CTNNA2: variants seen among roughly 807,000 people sequenced by gnomAD.
The protein encoded by CTNNA2 is catenin alpha 2.
Under a neutral mutation model 101.0 loss-of-function variants are expected in CTNNA2, and 42 were observed. That is an observed-to-expected ratio of 0.42 (90% CI 0.32 to 0.54). The LOEUF is 0.54. Ranked by LOEUF, CTNNA2 falls within the 20% of genes least tolerant of loss-of-function variation. CTNNA2 has a pLI of 0.14. For synonymous variants in CTNNA2, 450 were observed against 456.4 expected (o/e 0.99, Z 0.18); for missense variants, 871 against 1,223.1 (o/e 0.71, Z 4.29).
At chr2:80,354,835 G>A (rs75634926) in intron 7 of CTNNA2, among the ~76,000 whole-genome samples, 1,914 of 152,212 alleles carry the variant, frequency 0.013, 24 homozygotes, top group South Asian at 0.057. Flanking sequence ...GGTCTAGATC[G>A]CCCTTGCTTC....
intron 6 of CTNNA2, among the ~76,000 whole-genome samples, chr2:79,889,146 A>G (rs1291937529): frequency 1.3e-5 from 2 of 152,154 alleles, no homozygotes; most frequent in Admixed American, 6.6e-5. Context: ...AAATGTTCTA[A>G]GATTTAGTTT....
At chr2:79,537,664 C>T (rs1673154659) in intron 1 of CTNNA2, among the ~76,000 whole-genome samples, 1 of 152,146 alleles carries the variant, frequency 6.6e-6, no homozygotes, top group Non-Finnish European at 1.5e-5. Flanking sequence ...TTGCTGCCCG[C>T]ACTATGTAAA....
At chr2:79,625,541 A>G (rs927944680) in intron 1 of CTNNA2, among the ~76,000 whole-genome samples, 1 of 152,206 alleles carries the variant, frequency 6.6e-6, no homozygotes, top group Non-Finnish European at 1.5e-5. Flanking sequence ...GCATGCAGAT[A>G]AAACATGGAA....
intron 7 of CTNNA2, among the ~76,000 whole-genome samples, chr2:80,013,328 T>C (rs1693915898): frequency 6.6e-6 from 1 of 152,074 alleles, no homozygotes; most frequent in Non-Finnish European, 1.5e-5. Flanking sequence ...CCATTACATT[T>C]ATTCAAAACA....
upstream of CTNNA2, among the ~76,000 whole-genome samples, chr2:79,508,978 T>TGAACA (rs1487368248): frequency 8.2e-5 from 3 of 36,460 alleles, no homozygotes; most frequent in Non-Finnish European, 1.6e-4. Context: ...TATATATATA[T>TGAACA]ATATATATAT....
intron 4 of CTNNA2, among the ~76,000 whole-genome samples, chr2:79,387,344 A>G (rs751496654): frequency 6.6e-6 from 1 of 152,084 alleles, no homozygotes; most frequent in Non-Finnish European, 1.5e-5. Context: ...TTGTTGGTCT[A>G]TTTACTAAGC....
At chr2:79,742,384 A>G (rs1001544467) in intron 2 of CTNNA2, among the ~76,000 whole-genome samples, 1 of 152,186 alleles carries the variant, frequency 6.6e-6, no homozygotes, top group African/African-American at 2.4e-5. Flanking sequence ...TCTTAGAATT[A>G]TGCATAAAGT....
intron 9 of CTNNA2, among the ~76,000 whole-genome samples, chr2:80,524,658 A>G (rs951865920): frequency 1.3e-5 from 2 of 152,058 alleles, no homozygotes; most frequent in East Asian, 1.9e-4. Flanking sequence ...TAGTCTCCCT[A>G]TGCCACTAGC....
intron 3 of CTNNA2, among the ~76,000 whole-genome samples, chr2:79,342,781 A>G (rs1015031399): frequency 2.0e-5 from 3 of 152,178 alleles, no homozygotes; most frequent in Non-Finnish European, 4.4e-5. Context: ...TACTTCAAAA[A>G]TCTGTAGCCA....
At chr2:80,357,533 G>T (rs1245543454) in intron 7 of CTNNA2, among the ~76,000 whole-genome samples, 4 of 152,074 alleles carry the variant, frequency 2.6e-5, no homozygotes, top group Non-Finnish European at 5.9e-5. Flanking sequence ...CGAATTGACA[G>T]ATAGATGGAA....
intron 7 of CTNNA2, among the ~76,000 whole-genome samples, chr2:80,135,953 G>A (rs911869293): frequency 6.6e-6 from 1 of 152,094 alleles, no homozygotes; most frequent in Non-Finnish European, 1.5e-5. Context: ...ATGGTAAAAG[G>A]CAGTGTGGTA....
intron 6 of CTNNA2, among the ~76,000 whole-genome samples, chr2:79,880,030 C>T (rs146970445): frequency 1.5e-4 from 23 of 152,000 alleles, no homozygotes; most frequent in African/African-American, 2.2e-4. Flanking sequence ...TAATGTGAAG[C>T]GATGTTGAAT....
intron 7 of CTNNA2, among the ~76,000 whole-genome samples, chr2:79,946,350 A>G (rs1376157333): frequency 6.6e-6 from 1 of 152,186 alleles, no homozygotes; most frequent in African/African-American, 2.4e-5. Flanking sequence ...ATACTTCACA[A>G]TGATAGAAAT....
chr2:80,178,353 C>T (rs1051256915), intron 7 of CTNNA2, among the ~76,000 whole-genome samples: 8 of 152,140 alleles, frequency 5.3e-5, no homozygotes, highest in African/African-American at 1.9e-4. Context: ...TATAGTTGAA[C>T]GTTCAGTTTC....
At chr2:79,754,918 C>A (rs1016293450) in intron 3 of CTNNA2, among the ~76,000 whole-genome samples, 69 of 152,176 alleles carry the variant, frequency 4.5e-4, no homozygotes, top group African/African-American at 1.5e-3. Context: ...AATGGGGATA[C>A]AAGAGGCAAA....
intron 3 of CTNNA2, among the ~76,000 whole-genome samples, chr2:79,336,213 G>A (rs1573091432): frequency 6.6e-6 from 1 of 152,056 alleles, no homozygotes; most frequent in South Asian, 2.1e-4. Context: ...TAGAACCAGG[G>A]GGCAAGACTG....
At chr2:79,231,319 T>C (rs1674490495) in intron 2 of CTNNA2, among the ~76,000 whole-genome samples, 1 of 152,190 alleles carries the variant, frequency 6.6e-6, no homozygotes, top group South Asian at 2.1e-4. Flanking sequence ...CAAATCTGTC[T>C]CATGAGATCT....
chr2:79,687,527 C>T, intron 2 of CTNNA2: 2 of 685,722 alleles, frequency 2.9e-6, no homozygotes, highest in Non-Finnish European at 5.4e-6. Flanking sequence ...CTGGAATCCA[C>T]CAGAACTGAA....
At chr2:79,222,175 T>G (rs1326658223) in intron 2 of CTNNA2, among the ~76,000 whole-genome samples, 2 of 152,180 alleles carry the variant, frequency 1.3e-5, no homozygotes, top group Non-Finnish European at 2.9e-5. Context: ...ATAACACAAA[T>G]GCCTCGAGAC....
Sources: gnomAD v4.1 joint callset for allele counts (sites outside exome capture counted in the v4.1 genomes callset) on GRCh38, gnomAD v4.1.1 for gene constraint, MANE v1.5 for transcripts, NCBI Gene and HGNC (gene_info 2026-07-23, HGNC 2026-07-21) for gene names.